Variants in DDX60 observed in about 807,000 individuals in gnomAD.
The protein encoded by DDX60 is probable ATP-dependent RNA helicase DDX60.
A neutral mutation model predicts 212.8 loss-of-function variants in DDX60; 165 were observed. The ratio of observed to expected loss-of-function variants is 0.78; its 90% CI spans 0.68 to 0.88. The LOEUF is 0.88. Among genes scored for constraint, DDX60 ranks in the 40% least tolerant of loss-of-function variants. DDX60 has a pLI of 0.00. For missense variants in DDX60, 1,905 were observed against 2,003.9 expected (o/e 0.95, Z 0.94); for synonymous variants, 703 against 685.3 (o/e 1.03, Z -0.40).
chr4:168,297,067 T>C (rs28612201), intron 6 of DDX60, among the ~76,000 whole-genome samples: 54,680 of 150,876 alleles, frequency 0.36, 10,257 homozygotes, highest in African/African-American at 0.47. Context: ...TGCACCACCA[T>C]GCCCGGCTAA....
At chr4:168,278,663 T>C (rs1735455955) in intron 14 of DDX60, among the ~76,000 whole-genome samples, 1 of 152,150 alleles carries the variant, frequency 6.6e-6, no homozygotes, top group Admixed American at 6.5e-5. Flanking sequence ...ATCCCATCTC[T>C]AGTAAAAATA....
chr4:168,246,429 C>T lies in DDX60; in HGVS notation c.4153G>A (p.Ala1385Thr), dbSNP rs17853800. ...GTCCAGCACGGTACCTTTGCCTTGG[C>T]ATCCTCTGGGTCATCTCCCTTGGAA... ...LASKGDDPEDAKAKVLSVLKH... is the reference protein window; with the variant it reads ...LASKGDDPEDTKAKVLSVLKH... Residue 1385 changes from alanine to threonine, a missense_variant, in exon 30 of 38, where the codon GCC becomes ACC. By Grantham distance (58) the Ala-to-Thr change is moderately conservative. Coordinates refer to ENST00000393743, the MANE Select transcript of DDX60 (RefSeq NM_017631.6). The T allele has an allele frequency of 6.2e-7, 1 of 1,613,920 alleles. No homozygotes were observed. Among genetic ancestry groups the T allele is most frequent in the Non-Finnish European group, 8.5e-7 (1 of 1,179,934 alleles).
chr4:168,277,910 AC>A (rs1234484358), intron 14 of DDX60, among the ~76,000 whole-genome samples: 2 of 151,954 alleles, frequency 1.3e-5, no homozygotes, highest in Non-Finnish European at 2.9e-5. Flanking sequence ...GAAATCTCGC[AC>A]CATCTCACTT....
rs267600074 is a variant in DDX60, at chr4:168,250,953, C to A, written c.3858+1G>T. 25 of 1,586,340 alleles carry A rather than the reference C, an allele frequency of 1.6e-5. No homozygotes were observed. The highest frequency in any genetic ancestry group is 2.1e-5 in the Non-Finnish European group (24 of 1,166,380). Reference sequence around the variant, plus strand: ...TTTTAGAATGAAGAAAATTCACCTACCCTAAGATATCCTTTTCTAAAGAGG... The same window carrying A: ...TTTTAGAATGAAGAAAATTCACCTAACCTAAGATATCCTTTTCTAAAGAGG... On this transcript the variant is annotated splice_donor_variant, in intron 28 of 37. Transcript: ENST00000393743. LOFTEE classifies it high-confidence loss of function.
chr4:168,224,985 T>A (rs144067424), intron 34 of DDX60, among the ~76,000 whole-genome samples: 7 of 152,132 alleles, frequency 4.6e-5, no homozygotes, highest in Non-Finnish European at 1.0e-4. Flanking sequence ...GCTAAGAGTG[T>A]TAACCATGTA....
intron 32 of DDX60, among the ~76,000 whole-genome samples, chr4:168,236,832 C>A (rs1410252154): frequency 6.6e-6 from 1 of 151,492 alleles, no homozygotes; most frequent in Non-Finnish European, 1.5e-5. Context: ...GTATACTATA[C>A]AATAATATTC....
chr4:168,252,422 T>A, intron 27 of DDX60, 87 bp downstream of exon 27: 1 of 1,463,962 alleles, frequency 6.8e-7, no homozygotes, highest in East Asian at 2.3e-5. Context: ...ATATTATGCA[T>A]ATATCTTATT....
At position 168,308,383 on chromosome 4, in the gene DDX60, C is replaced by T. The variant is rs576561677; in HGVS notation, c.75-188G>A. Among the ~76,000 whole-genome samples the T allele has an allele frequency of 6.6e-4, 101 of 152,112 alleles. 1 individual carries two copies. Among genetic ancestry groups the T allele is most frequent in the Non-Finnish European group, 1.0e-3 (69 of 68,004 alleles). On this transcript the variant is annotated intron_variant, in intron 3 of 37. Coordinates refer to ENST00000393743, the MANE Select transcript of DDX60 (RefSeq NM_017631.6). The stretch of plus-strand genomic sequence containing the variant: ...ACAACTATCCTTCACAGGAGGAAGG[C>T]GGGATTATTCACATCTTAGGCTCAG...
chr4:168,293,260 C>G (rs1165359880), intron 7 of DDX60, among the ~76,000 whole-genome samples: 1 of 152,168 alleles, frequency 6.6e-6, no homozygotes. Flanking sequence ...GCTAGGATGA[C>G]GCCAAGACAC....
At chr4:168,304,979 A>C (rs1736813372) in intron 5 of DDX60, among the ~76,000 whole-genome samples, 1 of 152,158 alleles carries the variant, frequency 6.6e-6, no homozygotes, top group South Asian at 2.1e-4. Context: ...TGGTCCTGCA[A>C]GCTCCATTCA....
rs777200880 is a variant in DDX60 at position 168,267,858 on chromosome 4, G to A, written c.2912C>T (p.Ser971Leu). ...AAACATACCAAGTCTAACTTTATAC[G>A]ATTGTTTTACTTGCAAGTAGTCTTT... ...FPKDYLQVKQ[S>L]YKVRLVLYGE... Residue 971 changes from serine to leucine, a missense_variant, in exon 21 of 38, where the codon TCG becomes TTG. Transcript: ENST00000393743. 9.9e-6 allele frequency: 16 copies of A among 1,611,418 alleles called. No individual in the cohort carries two copies. Among genetic ancestry groups the A allele is most frequent in the Non-Finnish European group, 1.3e-5 (15 of 1,178,842 alleles).
upstream of DDX60, among the ~76,000 whole-genome samples, chr4:168,321,547 G>A (rs1737610492): frequency 6.6e-6 from 1 of 152,062 alleles, no homozygotes; most frequent in African/African-American, 2.4e-5. Flanking sequence ...CACAATGACA[G>A]TTACAATTCA....
chr4:168,284,830 A>G lies in DDX60; in HGVS notation c.1551T>C (p.Cys517=). ...AGTCACAGAGCTTACCATCAAACTGACACCTGGACCTGTCATAATCATCAC... is the reference window on the plus strand; with the variant it reads ...AGTCACAGAGCTTACCATCAAACTGGCACCTGGACCTGTCATAATCATCAC... ...PLSDDYDRSR[C]QFDEKSRDPR... is the part of the protein sequence containing the mutation. Residue 517 remains cysteine (C), a synonymous_variant, in exon 12 of 38, where the codon TGT becomes TGC. Coordinates refer to ENST00000393743, the MANE Select transcript of DDX60 (RefSeq NM_017631.6). 2 of 1,511,566 alleles carry G rather than the reference A, an allele frequency of 1.3e-6. No individual in the cohort carries two copies. The highest frequency in any genetic ancestry group is 1.8e-6 in the Non-Finnish European group (2 of 1,115,724). 93.6% of individuals were successfully genotyped at this position (1,511,566 alleles called of 1,614,324 possible).
chr4:168,264,981 G>A (rs529874858), intron 22 of DDX60, among the ~76,000 whole-genome samples: 6 of 152,308 alleles, frequency 3.9e-5, no homozygotes, highest in African/African-American at 1.4e-4. Flanking sequence ...TAATGTCATA[G>A]GTGACGGTAG....
chr4:168,251,634 C>T (rs1000468024), intron 27 of DDX60, among the ~76,000 whole-genome samples: 2 of 152,022 alleles, frequency 1.3e-5, no homozygotes. Context: ...CAAAAAAACG[C>T]TTCCAAAAGC....
chr4:168,277,481 C>G (rs1409313561), intron 14 of DDX60, among the ~76,000 whole-genome samples: 1 of 152,138 alleles, frequency 6.6e-6, no homozygotes, highest in Non-Finnish European at 1.5e-5. Flanking sequence ...TGATAAAATA[C>G]AAAATTGTCC....
chr4:168,220,770 C>T (rs1733024655), intron 36 of DDX60, 53 bp from the exon 37 acceptor site: 1 of 961,522 alleles, frequency 1.0e-6, no homozygotes, highest in South Asian at 2.7e-5. Flanking sequence ...AAAGAACATC[C>T]TATTTTATAT....
rs761703562 is a variant in DDX60 at position 168,255,755 on chromosome 4, G to T, written c.3513C>A (p.Asn1171Lys). 2.5e-6 allele frequency: 4 copies of T among 1,594,662 alleles called. No homozygotes were observed. In the South Asian group the frequency reaches 4.6e-5, roughly 18 times the overall value. ...TGGATTTTTTAACTTTTCGAAGTTT[G>T]TTAGCCATGACATGGGCTTCTTTAT... Reference protein sequence around the residue: ...KADKEAHVMANKLRKVKKSIE... With the variant: ...KADKEAHVMAKKLRKVKKSIE... Residue 1171 changes from asparagine to lysine, a missense_variant, in exon 26 of 38, where the codon AAC (asparagine) becomes AAA (lysine). Physicochemically the swap from Asn to Lys is moderately conservative, Grantham distance 94. Transcript: ENST00000393743.
chr4:168,256,693 G>A (rs982658573), intron 25 of DDX60, among the ~76,000 whole-genome samples: 3 of 152,172 alleles, frequency 2.0e-5, no homozygotes, highest in African/African-American at 7.2e-5. Flanking sequence ...CAGGAGCACT[G>A]AAAAGCCCAG....
Sources: gnomAD v4.1 joint callset for allele counts (sites outside exome capture counted in the v4.1 genomes callset) on GRCh38, gnomAD v4.1.1 for gene constraint, MANE v1.5 for transcripts, NCBI Gene and HGNC (gene_info 2026-07-23, HGNC 2026-07-21) for gene names.